TSTD2: variants seen among roughly 807,000 people sequenced by gnomAD.
TSTD2 encodes thiosulfate sulfurtransferase like domain containing 2.
Under a neutral mutation model 47.9 loss-of-function variants are expected in TSTD2, and 37 were observed. The ratio of observed to expected loss-of-function variants is 0.77; its 90% CI spans 0.59 to 1.02. The LOEUF is 1.02. TSTD2 is among the 50% of genes least tolerant of loss of function. The pLI, the probability that TSTD2 is intolerant of heterozygous loss-of-function variation, is 0.00. For synonymous variants in TSTD2, 201 were observed against 215.9 expected, an observed-to-expected ratio of 0.93 and a Z score of 0.61; for missense variants, 586 against 616.0, an observed-to-expected ratio of 0.95 and a Z score of 0.52.
At position 97,606,215 on chromosome 9, in the gene TSTD2, A is replaced by G. The variant is rs755985614; in HGVS notation, c.882T>C (p.Phe294=). The change falls in exon 7 of 10, where the codon TTT becomes TTC. Residue 294 remains phenylalanine (F), a synonymous_variant. Coordinates refer to ENST00000341170, the MANE Select transcript of TSTD2 (RefSeq NM_139246.5). ...TTTGTTCTTGATTTGCCTGAGATAA[A>G]AACTTTTCTACTTCTTTATGAAATT... is the stretch of plus-strand genomic sequence containing the variant. ...PGEFHKEVEK[F]LSQANQEQSD... 2 of 1,611,968 alleles carry G rather than the reference A, an allele frequency of 1.2e-6. No individual in the cohort carries two copies. The highest frequency in any genetic ancestry group is 3.4e-5 in the Admixed American group (2 of 59,572).
intron 3 of TSTD2, among the ~76,000 whole-genome samples, chr9:97,625,125 T>A (rs1826699307): frequency 6.6e-6 from 1 of 152,124 alleles, no homozygotes; most frequent in Non-Finnish European, 1.5e-5. Context: ...TTCCCAAACT[T>A]TCTGCCAGAA....
intron 1 of TSTD2, among the ~76,000 whole-genome samples, chr9:97,628,543 A>G (rs903449241): frequency 6.6e-6 from 1 of 152,198 alleles, no homozygotes; most frequent in Middle Eastern, 3.2e-3. Context: ...GAATGGTAAT[A>G]TTATTAATAT....
chr9:97,617,180 G>A (rs1031466486), intron 4 of TSTD2, among the ~76,000 whole-genome samples: 1 of 152,212 alleles, frequency 6.6e-6, no homozygotes, highest in Non-Finnish European at 1.5e-5. Context: ...GAGACAATAT[G>A]TGAGCCGAGA....
intron 9 of TSTD2, 100 bp downstream of exon 9, chr9:97,604,627 G>A (rs976373059): frequency 1.3e-6 from 2 of 1,500,536 alleles, no homozygotes; most frequent in Non-Finnish European, 1.8e-6. Context: ...TCAGTGCTCA[G>A]TAATGAGCAC....
At chr9:97,629,895 G>A (rs879937350) in intron 1 of TSTD2, among the ~76,000 whole-genome samples, 2 of 152,078 alleles carry the variant, frequency 1.3e-5, no homozygotes, top group Non-Finnish European at 1.5e-5. Flanking sequence ...TATCCAATCC[G>A]GTCCCACCTC....
chr9:97,630,564 G>C (rs531017866), intron 1 of TSTD2, among the ~76,000 whole-genome samples: 75 of 152,228 alleles, frequency 4.9e-4, no homozygotes, highest in African/African-American at 1.8e-3. Flanking sequence ...TCCTTTGCTG[G>C]ATCTTCCTTA....
intron 3 of TSTD2, among the ~76,000 whole-genome samples, chr9:97,620,406 G>A (rs1826614807): frequency 6.6e-6 from 1 of 152,116 alleles, no homozygotes; most frequent in South Asian, 2.1e-4. Context: ...GTCTTTATCA[G>A]CAGCATGAAA....
chr9:97,627,680 T>C, intron 1 of TSTD2, 68 bp from the exon 2 acceptor site: 1 of 1,080,404 alleles, frequency 9.3e-7, no homozygotes, highest in East Asian at 2.4e-5. Flanking sequence ...ATGAAGCTAA[T>C]CAATCACGCA....
intron 6 of TSTD2, among the ~76,000 whole-genome samples, chr9:97,608,550 C>T (rs778473214): frequency 2.0e-5 from 3 of 152,098 alleles, no homozygotes; most frequent in Non-Finnish European, 4.4e-5. Flanking sequence ...GCAGGAGAAT[C>T]GCTTGAACCC....
chr9:97,609,448 A>G (rs1217074484), intron 6 of TSTD2, among the ~76,000 whole-genome samples: 1 of 152,240 alleles, frequency 6.6e-6, no homozygotes, highest in Non-Finnish European at 1.5e-5. Flanking sequence ...GGGGGGAAAA[A>G]AAGATGGAAA....
In TSTD2 at chr9:97,617,884, A is replaced by G. The variant is rs773279945; in HGVS notation, c.483-7T>C. ...TTCTTCACTGCCCTGGCCACTATAA[A>G]ATGAAAATCCAAGGCAAAGAGCATT... On this transcript the variant is annotated splice_region_variant and splice_polypyrimidine_tract_variant and intron_variant, in intron 3 of 9. Transcript: ENST00000341170. 1 of 1,605,974 alleles carries G rather than the reference A, an allele frequency of 6.2e-7. No individual in the cohort carries two copies. The highest frequency in any genetic ancestry group is 8.5e-7 in the Non-Finnish European group (1 of 1,177,562).
chr9:97,627,156 G>C, intron 2 of TSTD2: 1 of 582,678 alleles, frequency 1.7e-6, no homozygotes, highest in Non-Finnish European at 2.3e-6. Flanking sequence ...TTGACCTGGG[G>C]GGTGGGGAAT....
intron 3 of TSTD2, among the ~76,000 whole-genome samples, chr9:97,618,783 C>CTCCT (rs1183763869): frequency 7.2e-5 from 11 of 152,224 alleles, no homozygotes; most frequent in African/African-American, 2.7e-4. Context: ...GCTCTGGAGT[C>CTCCT]TGAGTCCCTC....
chr9:97,602,999 C>CT (rs776606688), intron 9 of TSTD2: 507 of 426,438 alleles, frequency 1.2e-3, no homozygotes, highest in Middle Eastern at 2.4e-3. Context: ...TATTTACTGA[C>CT]TTTTTTTTTC....
At chr9:97,624,149 C>G (rs2131316298) in intron 3 of TSTD2, among the ~76,000 whole-genome samples, 1 of 152,292 alleles carries the variant, frequency 6.6e-6, no homozygotes, top group Admixed American at 6.5e-5. Context: ...TAGACCCTTG[C>G]ATAGTTCTCT....
chr9:97,627,702 G>T, intron 1 of TSTD2, 90 bp from the exon 2 acceptor site: 1 of 808,208 alleles, frequency 1.2e-6, no homozygotes, highest in Non-Finnish European at 1.9e-6. Context: ...ATCAGCATGG[G>T]CAAAGTAGCC....
In TSTD2 at chr9:97,626,141, A is replaced by AAT. The variant is rs1203028972; in HGVS notation, c.166-145_166-144insAT. 5.1e-6 allele frequency: 4 copies of AAT among 786,996 alleles called. No individual in the cohort carries two copies. The East Asian group carries it at 1.1e-4, about 22-fold the overall frequency. The allele number at this position is 786,996 out of a possible 1,614,324, so 48.8% of individuals were successfully genotyped here. A position where few individuals can be genotyped will look rare whatever the true frequency, so the allele number is the denominator to read the frequency against. On this transcript the variant is annotated intron_variant, in intron 2 of 9. Coordinates refer to ENST00000341170, the MANE Select transcript of TSTD2 (RefSeq NM_139246.5). ...TATGTTATACAATTCTCTGAGAAGT[A>AAT]ACACTTCTCTTATTAGTAAGCTTTA...
chr9:97,610,401 A>C lies in TSTD2; in HGVS notation c.780T>G (p.Phe260Leu), dbSNP rs1413197796. ...HCFPELRVGV[F>L]EEIVPMGISP... ...TGATCCCCATGGGCACGATTTCTTCAAATACACCAACACGCAATTCTGGAA... is the reference window on the plus strand; with the variant it reads ...TGATCCCCATGGGCACGATTTCTTCCAATACACCAACACGCAATTCTGGAA... Residue 260 changes from phenylalanine to leucine, a missense_variant, in exon 6 of 10, where the codon TTT (phenylalanine) becomes TTG (leucine). Phe to Leu is a conservative substitution (Grantham distance 22). Transcript: ENST00000341170. The C allele has an allele frequency of 1.3e-6, 2 of 1,599,064 alleles. No individual in the cohort carries two copies. Among genetic ancestry groups the C allele is most frequent in the South Asian group, 1.1e-5 (1 of 88,332 alleles).
intron 1 of TSTD2, among the ~76,000 whole-genome samples, chr9:97,630,102 C>T (rs965854453): frequency 6.6e-6 from 1 of 152,130 alleles, no homozygotes; most frequent in Non-Finnish European, 1.5e-5. Flanking sequence ...CCTTTGAAGG[C>T]CTGAAAAACT....
Sources: gnomAD v4.1 joint callset for allele counts (sites outside exome capture counted in the v4.1 genomes callset) on GRCh38, gnomAD v4.1.1 for gene constraint, MANE v1.5 for transcripts, NCBI Gene and HGNC (gene_info 2026-07-23, HGNC 2026-07-21) for gene names.